Variants in CSRNP3 observed in about 807,000 individuals in gnomAD.
CSRNP3 encodes the protein cysteine and serine rich nuclear protein 3, also known as cysteine/serine-rich nuclear protein 3.
CSRNP3 carries 12 observed loss-of-function variants against 48.0 expected under a neutral mutation model. That is an observed-to-expected ratio of 0.25 (90% CI 0.16 to 0.41). The LOEUF (loss-of-function observed/expected upper bound fraction) is 0.41. Among genes scored for constraint, CSRNP3 ranks in the 10% least tolerant of loss-of-function variants. The pLI, the probability that CSRNP3 is intolerant of heterozygous loss-of-function variation, is 1.00. For missense variants in CSRNP3, 580 were observed against 724.4 expected (o/e 0.80, Z 2.29); for synonymous variants, 263 against 269.7 (o/e 0.98, Z 0.24).
At chr2:165,650,896 A>G (rs1686892332) in intron 4 of CSRNP3, among the ~76,000 whole-genome samples, 1 of 152,258 alleles carries the variant, frequency 6.6e-6, no homozygotes, top group Non-Finnish European at 1.5e-5. Flanking sequence ...TAGAATTAAT[A>G]TCTTCCACAA....
At chr2:165,624,052 C>T (rs1386229158) in intron 4 of CSRNP3, among the ~76,000 whole-genome samples, 1 of 152,160 alleles carries the variant, frequency 6.6e-6, no homozygotes, top group Non-Finnish European at 1.5e-5. Flanking sequence ...AGAGTCCTAG[C>T]CACCTTGAAC....
At chr2:165,592,941 A>G (rs950977844) in intron 3 of CSRNP3, among the ~76,000 whole-genome samples, 5 of 149,568 alleles carry the variant, frequency 3.3e-5, no homozygotes, top group African/African-American at 1.2e-4. Flanking sequence ...AGCTGGGACT[A>G]CAGGCGCCCG....
chr2:165,568,025 G>A (rs560142402), intron 3 of CSRNP3, among the ~76,000 whole-genome samples: 1 of 152,106 alleles, frequency 6.6e-6, no homozygotes, highest in African/African-American at 2.4e-5. Flanking sequence ...TTGAACCATT[G>A]ACTTTTAAGG....
chr2:165,524,905 T>C (rs948097030), intron 3 of CSRNP3, among the ~76,000 whole-genome samples: 2 of 152,174 alleles, frequency 1.3e-5, no homozygotes, highest in African/African-American at 2.4e-5. Flanking sequence ...ACGTAGAAAT[T>C]TGTGTGAGAA....
At chr2:165,615,220 C>T (rs1686216949) in intron 4 of CSRNP3, among the ~76,000 whole-genome samples, 2 of 152,062 alleles carry the variant, frequency 1.3e-5, no homozygotes, top group Admixed American at 1.3e-4. Context: ...TCTGAATGCT[C>T]CAGTGTTAGT....
In CSRNP3 at chr2:165,676,628, G is replaced by C. The variant is rs768810699; in HGVS notation, c.705+20G>C. The C allele has an allele frequency of 6.2e-7, 1 of 1,605,200 alleles. No individual in the cohort carries two copies. Among genetic ancestry groups the C allele is most frequent in the East Asian group, 2.2e-5 (1 of 44,660 alleles). ...TGCCAGGTAAGGGTTGGGAATTCAG[G>C]GCATCCAAAGACAAGACATTGTCTA... On this transcript the variant is annotated intron_variant, in intron 6 of 6. Coordinates refer to ENST00000651982, the MANE Select transcript of CSRNP3 (RefSeq NM_001172173.2).
At chr2:165,536,160 T>C (rs994157233) in intron 3 of CSRNP3, among the ~76,000 whole-genome samples, 2 of 151,912 alleles carry the variant, frequency 1.3e-5, no homozygotes, top group Non-Finnish European at 2.9e-5. Context: ...CAACCAAATA[T>C]TGTCAACACA....
chr2:165,585,197 A>G (rs1204459819), intron 3 of CSRNP3, among the ~76,000 whole-genome samples: 2 of 150,186 alleles, frequency 1.3e-5, no homozygotes, highest in East Asian at 3.9e-4. Flanking sequence ...TTATAAAAGT[A>G]TCATAGCATA....
Position 165,482,340 on chromosome 2 carries a change from C to T in CSRNP3, c.-282-12419C>T, listed in dbSNP as rs191371266. On this transcript the variant is annotated intron_variant, in intron 1 of 6. Transcript: ENST00000651982. ...GTGCAGTGGAATGATCTTGAATCAC[C>T]GCAACCTCCACCTCCTGAGTCCAAG... Among the ~76,000 whole-genome samples, 581 of 151,694 alleles carry T rather than the reference C, an allele frequency of 3.8e-3. 8 individuals are homozygous for T. The highest frequency in any genetic ancestry group is 0.013 in the African/African-American group (544 of 41,328).
rs143858935 is a variant in CSRNP3 at position 165,555,754 on chromosome 2, A to T, written c.-24+37793A>T. On this transcript the variant is annotated intron_variant, in intron 3 of 6. Transcript: ENST00000651982. ...TTCAGAGGCTGAATCGTAATATGTG[A>T]GTAGGCATTAGTCAGATGAAGAAAA... is the stretch of plus-strand genomic sequence containing the variant. Among the ~76,000 whole-genome samples, 19 of 152,360 alleles carry T rather than the reference A, an allele frequency of 1.2e-4. No individual in the cohort carries two copies. The East Asian group carries it at 3.7e-3, about 29-fold the overall frequency.
chr2:165,546,840 G>T (rs1037190147), intron 3 of CSRNP3, among the ~76,000 whole-genome samples: 8 of 152,150 alleles, frequency 5.3e-5, no homozygotes, highest in Non-Finnish European at 8.8e-5. Context: ...ATCAGAAAGT[G>T]AATTACTTAT....
At chr2:165,617,470 G>T (rs1413991912) in intron 4 of CSRNP3, among the ~76,000 whole-genome samples, 1 of 152,184 alleles carries the variant, frequency 6.6e-6, no homozygotes, top group Admixed American at 6.5e-5. Context: ...GGCAGCAGTT[G>T]TTTGTGGAGG....
In CSRNP3 at chr2:165,684,519, G is replaced by A. The variant is rs938179831; in HGVS notation, c.*4766G>A. 6.6e-6 allele frequency: 1 copy of A among 152,042 alleles called. No individual in the cohort carries two copies. Among genetic ancestry groups the A allele is most frequent in the Non-Finnish European group, 1.5e-5 (1 of 67,992 alleles). The allele number at this position is 152,042 out of a possible 1,614,324, so 9.4% of individuals were successfully genotyped here. A position where few individuals can be genotyped will look rare whatever the true frequency, so the allele number is the denominator to read the frequency against. ...CTGTAATTTTAAATTAGAACTGTTG[G>A]TTGTATTCTTACCACAACCAAAACC... is the stretch of plus-strand genomic sequence containing the variant. On this transcript the variant is annotated 3_prime_UTR_variant, in exon 7 of 7. Coordinates refer to ENST00000651982, the MANE Select transcript of CSRNP3 (RefSeq NM_001172173.2).
chr2:165,519,116 A>T (rs772926239), intron 3 of CSRNP3, among the ~76,000 whole-genome samples: 1 of 152,104 alleles, frequency 6.6e-6, no homozygotes, highest in Non-Finnish European at 1.5e-5. Flanking sequence ...ACCCACACCC[A>T]AATGATTTTT....
intron 5 of CSRNP3, among the ~76,000 whole-genome samples, chr2:165,671,112 G>A (rs6747465): frequency 0.43 from 65,230 of 151,940 alleles, 14,052 homozygotes; most frequent in East Asian, 0.55. Flanking sequence ...ATAAAGAAAA[G>A]CATACTGAAA....
chr2:165,535,403 A>AG (rs1181738255), intron 3 of CSRNP3, among the ~76,000 whole-genome samples: 1 of 151,454 alleles, frequency 6.6e-6, no homozygotes, highest in Non-Finnish European at 1.5e-5. Context: ...TTCTGCTGCT[A>AG]GGAAGAAAAC....
At chr2:165,484,957 T>C (rs1684093396) in intron 1 of CSRNP3, among the ~76,000 whole-genome samples, 1 of 152,150 alleles carries the variant, frequency 6.6e-6, no homozygotes, top group Admixed American at 6.5e-5. Context: ...CTCCTAAGCT[T>C]TGTTTAAAAT....
chr2:165,520,784 TATATATA>T (rs1684645162), intron 3 of CSRNP3, among the ~76,000 whole-genome samples: 1 of 3,210 alleles, frequency 3.1e-4, no homozygotes, highest in African/African-American at 1.8e-3. Context: ...ATATATATAT[TATATATA>T]TATATATATA....
In CSRNP3 at chr2:165,679,132, AGAG is replaced by A. The variant is rs774325502; in HGVS notation, c.1149_1151del (p.Glu383del). 2.9e-5 allele frequency: 47 copies of A among 1,613,418 alleles called. No individual in the cohort carries two copies. The East Asian group carries it at 6.0e-4, about 21-fold the overall frequency. On this transcript the variant is annotated inframe_deletion, in exon 7 of 7. Coordinates refer to ENST00000651982, the MANE Select transcript of CSRNP3 (RefSeq NM_001172173.2). Reference sequence around the variant, plus strand: ...AGGAGGAGGAGGAAGAAGAAGAGGAAGAGGAGGAGGAGGATGACGATGATGACA... The same window carrying A: ...AGGAGGAGGAGGAAGAAGAAGAGGAAGAGGAGGAGGATGACGATGATGACA...
Sources: gnomAD v4.1 joint callset for allele counts (sites outside exome capture counted in the v4.1 genomes callset) on GRCh38, gnomAD v4.1.1 for gene constraint, MANE v1.5 for transcripts, NCBI Gene and HGNC (gene_info 2026-07-23, HGNC 2026-07-21) for gene names.